ATXN3: variants seen among roughly 807,000 people sequenced by gnomAD.
The protein encoded by ATXN3 is ataxin-3.
In ATXN3, 28 loss-of-function variants were observed where a neutral mutation model predicts 58.2. The ratio of observed to expected loss-of-function variants is 0.48; its 90% CI spans 0.36 to 0.66. The LOEUF (loss-of-function observed/expected upper bound fraction) is 0.66, where lower values mean the gene tolerates loss of function less well. Ranked by LOEUF, ATXN3 falls within the 30% of genes least tolerant of loss-of-function variation. The pLI, the probability that ATXN3 is intolerant of heterozygous loss-of-function variation, is 0.00. For missense variants in ATXN3, 321 were observed against 422.1 expected (o/e 0.76, Z 2.10); for synonymous variants, 113 against 138.5 (o/e 0.82, Z 1.29).
intron 10 of ATXN3, among the ~76,000 whole-genome samples, chr14:92,069,159 A>G (rs1242688041): frequency 4.0e-5 from 6 of 149,666 alleles, no homozygotes; most frequent in East Asian, 2.0e-4. Context: ...GCTCACTGCA[A>G]TCTCCGCCTC....
chr14:92,097,106 ATC>A (rs1199780643), intron 1 of ATXN3, among the ~76,000 whole-genome samples: 2 of 151,754 alleles, frequency 1.3e-5, no homozygotes, highest in Non-Finnish European at 2.9e-5. Context: ...ACGGGGTTTC[ATC>A]CTGTGTTAGC....
At chr14:92,083,995 T>G (rs1166541156) in intron 6 of ATXN3, among the ~76,000 whole-genome samples, 1 of 152,196 alleles carries the variant, frequency 6.6e-6, no homozygotes, top group African/African-American at 2.4e-5. Context: ...TTTTGGACTC[T>G]TGAACTTACA....
At chr14:92,089,357 T>TTTTTTTTTTTTTTTC (rs1290290194) in intron 5 of ATXN3, among the ~76,000 whole-genome samples, 1 of 120,754 alleles carries the variant, frequency 8.3e-6, no homozygotes, top group African/African-American at 3.6e-5. Flanking sequence ...TTTTTTTTTT[T>TTTTTTTTTTTTTTTC]AGACAGAGTA....
At chr14:92,057,162 C>T (rs1197803259), downstream of ATXN3, among the ~76,000 whole-genome samples, 1 of 152,170 alleles carries the variant, frequency 6.6e-6, no homozygotes. Flanking sequence ...CGAGGTGGCT[C>T]ATCCCAGCAC....
intron 1 of ATXN3, 80 bp downstream of exon 1, chr14:92,106,449 G>C: frequency 6.3e-7 from 1 of 1,583,568 alleles, no homozygotes; most frequent in Admixed American, 1.7e-5. Context: ...GCCCCACCCA[G>C]CCCTCCGAGA....
chr14:92,063,751 C>T lies in ATXN3; in HGVS notation c.*569G>A, dbSNP rs2057943366. 6.6e-6 allele frequency: 1 copy of T among 152,054 alleles called. No individual in the cohort carries two copies. The highest frequency in any genetic ancestry group is 2.4e-5 in the African/African-American group (1 of 41,366). The allele number at this position is 152,054 out of a possible 1,614,324, so 9.4% of individuals were successfully genotyped here. A position where few individuals can be genotyped will look rare whatever the true frequency, so the allele number is the denominator to read the frequency against. The stretch of plus-strand genomic sequence containing the variant: ...TGGGAAAATAATGAAAACCAGGTAG[C>T]AGAAAAGTTGTGATCAGAGAAAACA... On this transcript the variant is annotated 3_prime_UTR_variant, in exon 11 of 11. Transcript: ENST00000644486.
Position 92,064,358 on chromosome 14 carries a change from T to C in ATXN3, c.1048A>G (p.Thr350Ala). 1 of 1,613,208 alleles carries C rather than the reference T, an allele frequency of 6.2e-7. No individual in the cohort carries two copies. Among genetic ancestry groups the C allele is most frequent in the Non-Finnish European group, 8.5e-7 (1 of 1,179,414 alleles). ...LQAAVTMSLE[T>A]VRNDLKTEGK... Reference sequence around the variant, plus strand: ...TCTGTTTTCAAATCATTTCTGACAGTTTCTAAAGACATGGTCACAGCTGCC... The same window carrying C: ...TCTGTTTTCAAATCATTTCTGACAGCTTCTAAAGACATGGTCACAGCTGCC... The change falls in exon 11 of 11, where the codon ACT becomes GCT. Residue 350 changes from threonine (T) to alanine (A), a missense_variant. Around this residue, in one of 2 missense-constraint regions of ATXN3, gnomAD observed 200 missense variants for 223.2 expected, o/e 0.90. Transcript: ENST00000644486.
chr14:92,071,370 T>C, intron 9 of ATXN3: 1 of 428,972 alleles, frequency 2.3e-6, no homozygotes. Flanking sequence ...CCGAGGCGGG[T>C]GGATGGCTTG....
intron 9 of ATXN3, chr14:92,071,739 A>G (rs1409756512): frequency 6.1e-6 from 1 of 163,762 alleles, no homozygotes; most frequent in Admixed American, 5.8e-5. Context: ...AGCATTTCAA[A>G]CTACCATGTG....
intron 10 of ATXN3, chr14:92,070,658 A>T: frequency 2.5e-6 from 2 of 804,718 alleles, no homozygotes; most frequent in Non-Finnish European, 3.8e-6. Flanking sequence ...TTATTATGTT[A>T]AAGTATTCAT....
chr14:92,067,736 T>C (rs781727107), intron 10 of ATXN3, among the ~76,000 whole-genome samples: 16 of 152,204 alleles, frequency 1.1e-4, no homozygotes, highest in African/African-American at 3.9e-4. Flanking sequence ...TGGGGTATTA[T>C]GTTATGAGAA....
rs541164672 is a variant in ATXN3 at position 92,104,356 on chromosome 14, G to A, written c.24+2173C>T. ...GGGGTTTCACCATGTTGGCCAGGCTGGTCTCAAACTACTGACCTCATGATC... is the reference window on the plus strand; with the variant it reads ...GGGGTTTCACCATGTTGGCCAGGCTAGTCTCAAACTACTGACCTCATGATC... On this transcript the variant is annotated intron_variant, in intron 1 of 10. Coordinates refer to ENST00000644486, the MANE Select transcript of ATXN3 (RefSeq NM_004993.6). Among the ~76,000 whole-genome samples the A allele has an allele frequency of 2.3e-4, 35 of 152,130 alleles. No individual in the cohort carries two copies. The South Asian group carries it at 5.4e-3, about 23-fold the overall frequency.
intron 9 of ATXN3, among the ~76,000 whole-genome samples, chr14:92,079,626 TCAGAATGGATGAAATA>T (rs1201269391): frequency 6.6e-5 from 10 of 152,378 alleles, no homozygotes; most frequent in Admixed American, 5.2e-4. Context: ...TATGTGCATC[TCAGAATGGATGAAATA>T]CAGCAAATAG....
At position 92,060,245 on chromosome 14, in the gene ATXN3, C is replaced by G. The variant is rs199894637; in HGVS notation, c.*4075G>C. ...TCATATATATATACATATATATATA[C>G]ACACATATATATATATATATATATA... On this transcript the variant is annotated 3_prime_UTR_variant, in exon 11 of 11. Coordinates refer to ENST00000644486, the MANE Select transcript of ATXN3 (RefSeq NM_004993.6). The G allele has an allele frequency of 9.4e-6, 1 of 106,890 alleles. No individual in the cohort carries two copies. Among genetic ancestry groups the G allele is most frequent in the Admixed American group, 9.7e-5 (1 of 10,362 alleles). 6.6% of individuals were successfully genotyped at this position (106,890 alleles called of 1,614,324 possible).
rs1318763767 is a variant in ATXN3 at position 92,096,099 on chromosome 14, A to C, written c.228T>G (p.Ser76=). 1 of 1,602,628 alleles carries C rather than the reference A, an allele frequency of 6.2e-7. No homozygotes were observed. The highest frequency in any genetic ancestry group is 2.2e-5 in the East Asian group (1 of 44,626). Residue 76 remains serine (S), a synonymous_variant, in exon 3 of 11, where the codon TCT becomes TCG. Coordinates refer to ENST00000644486, the MANE Select transcript of ATXN3 (RefSeq NM_004993.6). ...CATGCTTGTGACTACTTACCTGAAT[A>C]GAGAAAAAACCACTGTCATCCATAT... is the stretch of plus-strand genomic sequence containing the variant. ...SGNMDDSGFF[S]IQVISNALKV...
chr14:92,052,709 A>G (rs2057453004), upstream of ATXN3, among the ~76,000 whole-genome samples: 1 of 152,114 alleles, frequency 6.6e-6, no homozygotes, highest in African/African-American at 2.4e-5. Context: ...GACTGCCTCC[A>G]GGTTACTGGA....
exon 3 of ATXN3, chr14:92,044,887 G>A (rs2057419133): frequency 1.3e-5 from 2 of 152,196 alleles, no homozygotes; most frequent in African/African-American, 2.4e-5. Context: ...CATCGAGGTT[G>A]TAGAGTTTGA....
intron 7 of ATXN3, among the ~76,000 whole-genome samples, chr14:92,082,778 T>C (rs539654605): frequency 2.1e-4 from 32 of 151,880 alleles, no homozygotes; most frequent in African/African-American, 7.5e-4. Context: ...GCCTCCCAAG[T>C]AGCTGGGACT....
intron 2 of ATXN3, among the ~76,000 whole-genome samples, chr14:92,045,141 C>A (rs2057420311): frequency 6.6e-6 from 1 of 152,128 alleles, no homozygotes; most frequent in Non-Finnish European, 1.5e-5. Context: ...GGCTCTAATT[C>A]TGTGAAGGGC....
Sources: gnomAD v4.1 joint callset for allele counts (sites outside exome capture counted in the v4.1 genomes callset) on GRCh38, gnomAD v4.1.1 for gene constraint, gnomAD v4.1.1 regional missense constraint, MANE v1.5 for transcripts, NCBI Gene and HGNC (gene_info 2026-07-23, HGNC 2026-07-21) for gene names.